TENM2: variants seen among roughly 807,000 people sequenced by gnomAD.
TENM2 encodes teneurin transmembrane protein 2, also known as teneurin-2.
In TENM2, 52 loss-of-function variants were observed where a neutral mutation model predicts 245.2. The ratio of observed to expected loss-of-function variants is 0.21; its 90% CI spans 0.17 to 0.27. The LOEUF (loss-of-function observed/expected upper bound fraction) is 0.27. Among genes scored for constraint, TENM2 ranks in the 10% least tolerant of loss-of-function variants. The pLI is 1.00. For missense variants in TENM2, 3,046 were observed against 3,666.8 expected (o/e 0.83, Z 4.37); for synonymous variants, 1,363 against 1,438.9 (o/e 0.95, Z 1.19).
chr5:167,942,751 A>T (rs894351139), intron 3 of TENM2, among the ~76,000 whole-genome samples: 1 of 152,212 alleles, frequency 6.6e-6, no homozygotes, highest in Non-Finnish European at 1.5e-5. Context: ...GGTCTTGAGC[A>T]CTGTGAGAGG....
chr5:167,464,723 C>T lies in TENM2; in HGVS notation c.502+89250C>T, dbSNP rs921449787. ...CAGAACCCTGGAACTGCACAACAGG[C>T]CTGACTGTATTAACTTATAGGAGAT... is the stretch of plus-strand genomic sequence containing the variant. On this transcript the variant is annotated intron_variant, in intron 2 of 28. Transcript: ENST00000518659. Among the ~76,000 whole-genome samples the T allele has an allele frequency of 2.0e-5, 3 of 152,082 alleles. No homozygotes were observed. The East Asian group carries it at 5.8e-4, about 29-fold the overall frequency.
intron 5 of TENM2, among the ~76,000 whole-genome samples, chr5:168,043,126 C>T (rs941186937): frequency 6.6e-6 from 1 of 152,148 alleles, no homozygotes; most frequent in East Asian, 1.9e-4. Context: ...CAAGGTGGGG[C>T]GGGAGAGGGA....
chr5:167,445,337 A>ATATATATATG (rs1491215308), intron 2 of TENM2, among the ~76,000 whole-genome samples: 1 of 76,638 alleles, frequency 1.3e-5, no homozygotes, highest in Admixed American at 1.3e-4. Context: ...ATATATATAT[A>ATATATATATG]GAGAGAGAGA....
intron 2 of TENM2, among the ~76,000 whole-genome samples, chr5:167,443,539 G>A (rs965005168): frequency 6.7e-6 from 1 of 148,480 alleles, no homozygotes; most frequent in East Asian, 2.2e-4. Flanking sequence ...ATTGTTAATA[G>A]CTATGTGAAT....
intron 3 of TENM2, among the ~76,000 whole-genome samples, chr5:167,952,216 T>A (rs887411931): frequency 2.6e-4 from 39 of 152,214 alleles, no homozygotes; most frequent in Non-Finnish European, 4.8e-4. Context: ...ATGTGTGCAG[T>A]ATACCAGTTT....
chr5:167,599,858 G>A (rs968649050), intron 2 of TENM2, among the ~76,000 whole-genome samples: 2 of 151,964 alleles, frequency 1.3e-5, no homozygotes, highest in African/African-American at 2.4e-5. Context: ...ATCGTTAAAG[G>A]TTTCATGGCT....
intron 7 of TENM2, among the ~76,000 whole-genome samples, chr5:168,066,320 A>C (rs1249832917): frequency 6.6e-6 from 1 of 152,202 alleles, no homozygotes; most frequent in East Asian, 1.9e-4. Flanking sequence ...TCATAACTTT[A>C]GTGGAGGAGG....
At chr5:168,154,226 T>A (rs908845486) in intron 12 of TENM2, among the ~76,000 whole-genome samples, 1 of 150,050 alleles carries the variant, frequency 6.7e-6, no homozygotes, top group Non-Finnish European at 1.5e-5. Context: ...TTTCTCCTTT[T>A]TTTTGAGACA....
intron 2 of TENM2, among the ~76,000 whole-genome samples, chr5:167,730,026 C>T (rs1760304747): frequency 6.6e-6 from 1 of 152,100 alleles, no homozygotes; most frequent in Non-Finnish European, 1.5e-5. Context: ...TATTGAGTAT[C>T]CTTCTTATGG....
At chr5:167,529,486 ATG>A (rs1454515895) in intron 2 of TENM2, among the ~76,000 whole-genome samples, 4 of 152,226 alleles carry the variant, frequency 2.6e-5, no homozygotes, top group South Asian at 4.1e-4. Context: ...TTGCAACTTA[ATG>A]TGTTCACTTT....
chr5:167,692,614 T>C (rs1381714565), intron 2 of TENM2, among the ~76,000 whole-genome samples: 1 of 152,212 alleles, frequency 6.6e-6, no homozygotes. Context: ...TAAAAATATA[T>C]ACCTCCAAGC....
chr5:167,549,921 T>C (rs755520689), intron 2 of TENM2, among the ~76,000 whole-genome samples: 23 of 152,152 alleles, frequency 1.5e-4, no homozygotes, highest in Admixed American at 9.2e-4. Context: ...GGCATTTCCT[T>C]TGAATGAAAA....
At chr5:167,692,124 T>TA (rs1757473257) in intron 2 of TENM2, among the ~76,000 whole-genome samples, 1 of 152,158 alleles carries the variant, frequency 6.6e-6, no homozygotes, top group Non-Finnish European at 1.5e-5. Flanking sequence ...CATTTCTGCC[T>TA]ATGTCTACTT....
At chr5:167,403,534 G>A (rs1418890707) in intron 2 of TENM2, among the ~76,000 whole-genome samples, 2 of 152,066 alleles carry the variant, frequency 1.3e-5, no homozygotes, top group African/African-American at 2.4e-5. Flanking sequence ...CCTTCTACCT[G>A]AACGTATGGG....
intron 1 of TENM2, among the ~76,000 whole-genome samples, chr5:167,315,311 G>T (rs1045611744): frequency 6.6e-6 from 1 of 152,084 alleles, no homozygotes; most frequent in African/African-American, 2.4e-5. Context: ...AGGTAAGGTG[G>T]TATCATATGT....
At chr5:167,148,245 C>G in the TENM2 span, among the ~76,000 whole-genome samples, 1 of 152,164 alleles carries the variant, frequency 6.6e-6, no homozygotes, top group African/African-American at 2.4e-5. Context: ...TATGAAAGAG[C>G]AATTAATGTG....
At chr5:167,265,472 G>A in the TENM2 span, among the ~76,000 whole-genome samples, 11 of 152,196 alleles carry the variant, frequency 7.2e-5, no homozygotes, top group East Asian at 1.7e-3. Context: ...TCAGGTGACG[G>A]TGGCTTCTTA....
chr5:167,030,490 C>T, the TENM2 span, among the ~76,000 whole-genome samples: 1 of 152,084 alleles, frequency 6.6e-6, no homozygotes, highest in Non-Finnish European at 1.5e-5. Context: ...TTTTTATTTA[C>T]CCAGCTTTAC....
rs1778177310 is a variant in TENM2 at position 167,621,596 on chromosome 5, T to C, written c.502+246123T>C. Among the ~76,000 whole-genome samples the C allele has an allele frequency of 2.0e-5, 3 of 152,148 alleles. No individual in the cohort carries two copies. The South Asian group carries it at 6.2e-4, about 31-fold the overall frequency. ...ACTTCCCCCTGATTGGGTGTAGGAATGGAGAAAGGCCATATAGACACAAGT... is the reference window on the plus strand; with the variant it reads ...ACTTCCCCCTGATTGGGTGTAGGAACGGAGAAAGGCCATATAGACACAAGT... On this transcript the variant is annotated intron_variant, in intron 2 of 28. Coordinates refer to ENST00000518659, the Ensembl canonical transcript of TENM2.
Sources: allele counts gnomAD v4.1 joint callset (sites outside exome capture counted in the v4.1 genomes callset), GRCh38; gene constraint gnomAD v4.1.1; transcripts MANE v1.5; gene names NCBI Gene and HGNC (gene_info 2026-07-23, HGNC 2026-07-21).